The following RPH3A variants were observed in gnomAD, a reference collection of about 807,000 sequenced individuals.
RPH3A encodes the protein rabphilin 3A, also known as rabphilin-3A.
RPH3A carries 48 observed loss-of-function variants against 102.2 expected under a neutral mutation model. The observed-to-expected ratio is 0.47, with a 90% confidence interval of 0.37 to 0.60. The LOEUF is 0.60. RPH3A is among the 20% of genes least tolerant of loss of function. RPH3A has a pLI of 0.00. For synonymous variants in RPH3A, 310 were observed against 324.3 expected (o/e 0.96, Z 0.47); for missense variants, 781 against 910.1 (o/e 0.86, Z 1.83).
At position 112,655,563 on chromosome 12, in the gene RPH3A, C is replaced by CTTTTTTTTT. The variant is rs71086113; in HGVS notation, c.-140+80263_-140+80271dup. Among the ~76,000 whole-genome samples, 10 of 55,584 alleles carry CTTTTTTTTT rather than the reference C, an allele frequency of 1.8e-4. No individual in the cohort carries two copies. In the South Asian group the frequency reaches 2.4e-3, roughly 13 times the overall value. 36.5% of individuals were successfully genotyped at this position (55,584 alleles called of 152,430 possible). ...GGGCCCATCTCGAATTTTTGTTGGT[C>CTTTTTTTTT]TTTTTTTTTTTTTTTTTTTTTTTTT... On this transcript the variant is annotated intron_variant, in intron 1 of 21. Transcript: ENST00000543106.
intron 1 of RPH3A, among the ~76,000 whole-genome samples, chr12:112,721,761 G>C (rs1374108860): frequency 6.6e-6 from 1 of 151,626 alleles, no homozygotes; most frequent in Non-Finnish European, 1.5e-5. Context: ...TTGCATTTGA[G>C]ATATGGCCAC....
chr12:112,609,781 T>C (rs2039624298), intron 1 of RPH3A, among the ~76,000 whole-genome samples: 1 of 152,186 alleles, frequency 6.6e-6, no homozygotes, highest in Non-Finnish European at 1.5e-5. Context: ...AGCATCTCAG[T>C]GATGGGAAAC....
chr12:112,599,730 G>A (rs1446424923), intron 1 of RPH3A, among the ~76,000 whole-genome samples: 1 of 152,154 alleles, frequency 6.6e-6, no homozygotes, highest in African/African-American at 2.4e-5. Flanking sequence ...AAGGCAAAGT[G>A]TTAGTGGTAT....
At chr12:112,640,365 A>AAAAAAC (rs2039880088) in intron 1 of RPH3A, among the ~76,000 whole-genome samples, 1 of 138,972 alleles carries the variant, frequency 7.2e-6, no homozygotes, top group Non-Finnish European at 1.5e-5. Flanking sequence ...AAAAAAAAAA[A>AAAAAAC]AGCAGCAGGG....
intron 13 of RPH3A, among the ~76,000 whole-genome samples, chr12:112,877,386 G>A (rs1247037470): frequency 7.3e-6 from 1 of 137,142 alleles, no homozygotes; most frequent in Non-Finnish European, 1.5e-5. Flanking sequence ...CAAGTCCCAG[G>A]GATACGCACA....
In RPH3A at chr12:112,762,296, T is replaced by C. The variant is rs1186418485; in HGVS notation, c.-139-29847T>C. Among the ~76,000 whole-genome samples the C allele has an allele frequency of 2.6e-5, 4 of 152,222 alleles. No homozygotes were observed. The East Asian group carries it at 5.8e-4, about 22-fold the overall frequency. The stretch of plus-strand genomic sequence containing the variant: ...TGCCAATCATTTAATGTAAAAATAG[T>C]AAGTTGTAGAACTTTCTATTGCTTG... On this transcript the variant is annotated intron_variant, in intron 1 of 21. Coordinates refer to the RPH3A transcript ENST00000543106.
At chr12:112,646,981 AG>A (rs1175203500) in intron 1 of RPH3A, among the ~76,000 whole-genome samples, 2 of 152,186 alleles carry the variant, frequency 1.3e-5, no homozygotes, top group Non-Finnish European at 2.9e-5. Flanking sequence ...TAATCTTAAA[AG>A]CTATGGGGGT....
rs543180199 is a variant in RPH3A at position 112,721,082 on chromosome 12, G to C, written c.-139-71061G>C. 2.8e-4 allele frequency among the ~76,000 whole-genome samples: 42 copies of C among 152,178 alleles called. 1 individual carries two copies. The highest frequency in any genetic ancestry group is 5.1e-4 in the Non-Finnish European group (35 of 68,032). On this transcript the variant is annotated intron_variant, in intron 1 of 21. Transcript: ENST00000543106. ...TTATAATAATGGTATCCACACTTCA[G>C]TATTGTTGAGAGGGTTAAATGAAAT...
intron 5 of RPH3A, among the ~76,000 whole-genome samples, chr12:112,854,290 G>A (rs1295253427): frequency 6.6e-6 from 1 of 152,222 alleles, no homozygotes; most frequent in East Asian, 1.9e-4. Flanking sequence ...CCTTTTGTTG[G>A]TGGAGAAGGA....
At chr12:112,680,952 C>T (rs939242292) in intron 1 of RPH3A, among the ~76,000 whole-genome samples, 2 of 151,972 alleles carry the variant, frequency 1.3e-5, no homozygotes, top group Non-Finnish European at 2.9e-5. Context: ...TCTCCAATCC[C>T]CTCTTCCTTG....
rs1026069374 is a variant in RPH3A, at chr12:112,580,349, T to C, written c.-140+5030T>C. Among the ~76,000 whole-genome samples, 11 of 150,728 alleles carry C rather than the reference T, an allele frequency of 7.3e-5. No individual in the cohort carries two copies. The South Asian group carries it at 2.3e-3, about 32-fold the overall frequency. On this transcript the variant is annotated intron_variant, in intron 1 of 21. Coordinates refer to the RPH3A transcript ENST00000543106. ...TGACTATAAAAGGGTGCTCTCCAGGTGAGGCCATTTTTAACCGAGGACTTA... is the reference window on the plus strand; with the variant it reads ...TGACTATAAAAGGGTGCTCTCCAGGCGAGGCCATTTTTAACCGAGGACTTA...
chr12:112,865,547 T>A lies in RPH3A; in HGVS notation c.360+4T>A, dbSNP rs769164950. On this transcript the variant is annotated splice_donor_region_variant and intron_variant, in intron 6 of 21. Transcript: ENST00000389385. ...AGTATGTGAGGACTGTAAGAAGGTA[T>A]CATCATCCTCTTCTCCCTTCTTCCC... is the stretch of plus-strand genomic sequence containing the variant. 1 of 1,612,780 alleles carries A rather than the reference T, an allele frequency of 6.2e-7. No homozygotes were observed. Among genetic ancestry groups the A allele is most frequent in the Non-Finnish European group, 8.5e-7 (1 of 1,179,752 alleles).
intron 2 of RPH3A, among the ~76,000 whole-genome samples, chr12:112,820,143 G>A (rs970795807): frequency 1.2e-4 from 18 of 152,186 alleles, no homozygotes; most frequent in African/African-American, 4.1e-4. Context: ...CACCTTTAGG[G>A]AGCAATGCTG....
chr12:112,858,382 C>T (rs2042448980), intron 5 of RPH3A, among the ~76,000 whole-genome samples: 1 of 151,174 alleles, frequency 6.6e-6, no homozygotes, highest in South Asian at 2.1e-4. Context: ...TCCCATCAGT[C>T]TTCAATACAA....
intron 1 of RPH3A, among the ~76,000 whole-genome samples, chr12:112,611,364 C>T (rs1177578218): frequency 1.3e-5 from 2 of 152,194 alleles, no homozygotes; most frequent in Non-Finnish European, 2.9e-5. Flanking sequence ...TTTTTACTTC[C>T]CTAGGAAAGG....
chr12:112,789,288 G>T (rs748730327), upstream of RPH3A, among the ~76,000 whole-genome samples: 2 of 152,178 alleles, frequency 1.3e-5, no homozygotes, highest in African/African-American at 4.8e-5. Context: ...CTAGCTCTTT[G>T]ATTATGGACA....
At chr12:112,687,770 T>A (rs963954202) in intron 1 of RPH3A, among the ~76,000 whole-genome samples, 4 of 152,218 alleles carry the variant, frequency 2.6e-5, no homozygotes, top group African/African-American at 9.7e-5. Context: ...TGACACTAGG[T>A]GACCTCAGAC....
chr12:112,799,861 G>C (rs1436840034), intron 2 of RPH3A, among the ~76,000 whole-genome samples: 3 of 152,134 alleles, frequency 2.0e-5, no homozygotes, highest in Admixed American at 1.3e-4. Flanking sequence ...TGATTCAGTG[G>C]GACTAGGATG....
At chr12:112,852,268 C>T (rs1208556812) in intron 5 of RPH3A, among the ~76,000 whole-genome samples, 1 of 152,190 alleles carries the variant, frequency 6.6e-6, no homozygotes, top group Non-Finnish European at 1.5e-5. Context: ...GTTGCCTGGT[C>T]TCTTAACAGC....
Sources: allele counts gnomAD v4.1 joint callset (sites outside exome capture counted in the v4.1 genomes callset), GRCh38; gene constraint gnomAD v4.1.1; transcripts MANE v1.5; gene names NCBI Gene and HGNC (gene_info 2026-07-23, HGNC 2026-07-21).